The following ZRANB1 variants were observed in gnomAD, a reference collection of about 807,000 sequenced individuals.
The protein encoded by ZRANB1 is zinc finger RANBP2-type containing 1.
ZRANB1 carries 16 observed loss-of-function variants against 80.5 expected under a neutral mutation model. The observed-to-expected ratio is 0.20, with a 90% CI of 0.13 to 0.30. ZRANB1 has a LOEUF of 0.30. Among genes scored for constraint, ZRANB1 ranks in the 10% least tolerant of loss-of-function variants. The pLI is 1.00. For synonymous variants in ZRANB1, 291 were observed against 293.1 expected, an observed-to-expected ratio of 0.99 and a Z score of 0.07; for missense variants, 576 against 862.6, an observed-to-expected ratio of 0.67 and a Z score of 4.16.
chr10:124,968,794 A>G (rs1951797160), intron 2 of ZRANB1, among the ~76,000 whole-genome samples: 1 of 152,160 alleles, frequency 6.6e-6, no homozygotes, highest in African/African-American at 2.4e-5. Context: ...TGAGTCATTG[A>G]GCTCCTGAGA....
chr10:124,976,700 T>C (rs1053508219), intron 5 of ZRANB1, among the ~76,000 whole-genome samples: 4 of 150,792 alleles, frequency 2.7e-5, no homozygotes, highest in Non-Finnish European at 5.9e-5. Context: ...GCCTTCGAAG[T>C]AGCTGGGATT....
chr10:124,980,560 A>G (rs1256220547), intron 5 of ZRANB1, among the ~76,000 whole-genome samples: 1 of 152,228 alleles, frequency 6.6e-6, no homozygotes, highest in African/African-American at 2.4e-5. Context: ...AGACACATTT[A>G]TCTTAGCGAT....
chr10:124,934,923 A>G, the ZRANB1 span, among the ~76,000 whole-genome samples: 19 of 152,330 alleles, frequency 1.2e-4, no homozygotes, highest in Middle Eastern at 3.4e-3. Context: ...AAGAAAAGCT[A>G]CTGAGATTGG....
chr10:124,948,038 AAC>A (rs923331472), intron 1 of ZRANB1, among the ~76,000 whole-genome samples: 1 of 152,104 alleles, frequency 6.6e-6, no homozygotes, highest in Non-Finnish European at 1.5e-5. Context: ...ACCCTTGAAT[AAC>A]ACAGGTCTGA....
At chr10:124,932,606 T>A in the ZRANB1 span, among the ~76,000 whole-genome samples, 3 of 151,882 alleles carry the variant, frequency 2.0e-5, no homozygotes, top group Non-Finnish European at 4.4e-5. Context: ...GAATGAGAGT[T>A]CCTGTTGCTC....
the ZRANB1 span, among the ~76,000 whole-genome samples, chr10:124,921,037 T>C: frequency 6.9e-4 from 105 of 152,320 alleles, no homozygotes; most frequent in African/African-American, 2.4e-3. Flanking sequence ...TCTTTAAAAA[T>C]TTGGTTGGTA....
Position 124,987,623 on chromosome 10 carries a change from A to G in ZRANB1, c.*2631A>G, listed in dbSNP as rs1323303861. ...TCCCTGGGGTAATAGGTCAGTAACT[A>G]TGAGCGCCGTCTCTCTCCATGTGAG... On this transcript the variant is annotated 3_prime_UTR_variant, in exon 9 of 9. Coordinates refer to ENST00000359653, the MANE Select transcript of ZRANB1 (RefSeq NM_017580.3). 2.6e-5 allele frequency: 4 copies of G among 152,162 alleles called. No individual in the cohort carries two copies. Among genetic ancestry groups the G allele is most frequent in the African/African-American group, 7.2e-5 (3 of 41,432 alleles). 9.4% of individuals were successfully genotyped at this position (152,162 alleles called of 1,614,324 possible). A position where few individuals can be genotyped will look rare whatever the true frequency, so the allele number is the denominator to read the frequency against.
upstream of ZRANB1, among the ~76,000 whole-genome samples, chr10:124,937,932 C>T (rs759498630): frequency 1.3e-5 from 2 of 152,108 alleles, no homozygotes; most frequent in South Asian, 2.1e-4. Flanking sequence ...AGTTTTGTCC[C>T]GTTCTCCTTA....
Position 124,985,055 on chromosome 10 carries a change from G to A in ZRANB1, c.*63G>A. On this transcript the variant is annotated 3_prime_UTR_variant, in exon 9 of 9. Coordinates refer to ENST00000359653, the MANE Select transcript of ZRANB1 (RefSeq NM_017580.3). ...TCTGTAATGACCCTAAAGTTAGTGTGGTGCTCCAAGCAGAGTCGACATCAT... is the reference window on the plus strand; with the variant it reads ...TCTGTAATGACCCTAAAGTTAGTGTAGTGCTCCAAGCAGAGTCGACATCAT... 1 of 1,318,072 alleles carries A rather than the reference G, an allele frequency of 7.6e-7. No individual in the cohort carries two copies. The highest frequency in any genetic ancestry group is 2.5e-5 in the East Asian group (1 of 39,940). The allele number at this position is 1,318,072 out of a possible 1,614,324, so 81.6% of individuals were successfully genotyped here.
chr10:124,918,313 C>T, the ZRANB1 span, among the ~76,000 whole-genome samples: 3 of 152,182 alleles, frequency 2.0e-5, no homozygotes, highest in Non-Finnish European at 4.4e-5. Flanking sequence ...GCTTCTGCCT[C>T]CCGAGTAGTT....
upstream of ZRANB1, among the ~76,000 whole-genome samples, chr10:124,938,344 CT>C (rs35984588): frequency 8.6e-4 from 124 of 144,648 alleles, no homozygotes; most frequent in Middle Eastern, 3.5e-3. Flanking sequence ...TTTTTCTTTT[CT>C]TTTTTTTTTT....
At chr10:124,964,299 G>A (rs573749709) in intron 1 of ZRANB1, among the ~76,000 whole-genome samples, 6 of 152,258 alleles carry the variant, frequency 3.9e-5, no homozygotes, top group Non-Finnish European at 5.9e-5. Flanking sequence ...TGCTGATTTT[G>A]TTGTGCTATG....
chr10:124,969,832 G>T (rs1454361447), intron 2 of ZRANB1, among the ~76,000 whole-genome samples: 1 of 152,122 alleles, frequency 6.6e-6, no homozygotes, highest in East Asian at 1.9e-4. Context: ...CCCAGCCTAC[G>T]GAGATGGTTG....
Position 124,966,795 on chromosome 10 carries a change from T to G in ZRANB1, c.1002+14T>G, listed in dbSNP as rs1951780797. 1 of 1,602,124 alleles carries G rather than the reference T, an allele frequency of 6.2e-7. No homozygotes were observed. The highest frequency in any genetic ancestry group is 1.3e-5 in the African/African-American group (1 of 74,758). Reference sequence around the variant, plus strand: ...TTGCTTACAGAGGTAAGTTTGGCGTTTTGGTTAAATGTTCTTTTATATTAA... The same window carrying G: ...TTGCTTACAGAGGTAAGTTTGGCGTGTTGGTTAAATGTTCTTTTATATTAA... On this transcript the variant is annotated intron_variant, in intron 2 of 8. Transcript: ENST00000359653.
At chr10:124,958,293 C>T (rs1951703199) in intron 1 of ZRANB1, among the ~76,000 whole-genome samples, 1 of 152,094 alleles carries the variant, frequency 6.6e-6, no homozygotes, top group African/African-American at 2.4e-5. Context: ...TGGCAGGGTG[C>T]CTGTAGTCCC....
intron 1 of ZRANB1, among the ~76,000 whole-genome samples, chr10:124,950,385 A>G (rs763499469): frequency 8.5e-5 from 13 of 152,116 alleles, no homozygotes; most frequent in Non-Finnish European, 1.0e-4. Flanking sequence ...CGGTCTCCCA[A>G]AGTGCTGGGA....
the ZRANB1 span, among the ~76,000 whole-genome samples, chr10:124,931,751 C>T: frequency 6.6e-6 from 1 of 152,224 alleles, no homozygotes; most frequent in Non-Finnish European, 1.5e-5. Flanking sequence ...CATACACCTG[C>T]TGCCCCCATG....
chr10:124,964,892 C>T (rs904680875), intron 1 of ZRANB1, among the ~76,000 whole-genome samples: 17 of 152,128 alleles, frequency 1.1e-4, no homozygotes, highest in Non-Finnish European at 2.4e-4. Context: ...TAAAATAAAA[C>T]TGCATTGAAT....
chr10:124,934,300 A>G, the ZRANB1 span, among the ~76,000 whole-genome samples: 1 of 152,204 alleles, frequency 6.6e-6, no homozygotes, highest in African/African-American at 2.4e-5. Context: ...AGATCTACTC[A>G]TTTGATACAG....
Sources: gnomAD v4.1 joint callset for allele counts (sites outside exome capture counted in the v4.1 genomes callset) on GRCh38, gnomAD v4.1.1 for gene constraint, MANE v1.5 for transcripts, NCBI Gene and HGNC (gene_info 2026-07-23, HGNC 2026-07-21) for gene names.